PTPRD: variants seen among roughly 807,000 people sequenced by gnomAD.
PTPRD encodes the protein receptor-type tyrosine-protein phosphatase delta.
In PTPRD, 34 loss-of-function variants were observed where a neutral mutation model predicts 214.5. The ratio of observed to expected loss-of-function variants is 0.16; its 90% CI spans 0.12 to 0.21. The LOEUF (loss-of-function observed/expected upper bound fraction) is 0.21, where lower values mean the gene tolerates loss of function less well. Among genes scored for constraint, PTPRD ranks in the 10% least tolerant of loss-of-function variants. PTPRD has a pLI of 1.00. For missense variants in PTPRD, 2,545 were observed against 2,398.7 expected (o/e 1.06, Z -1.27); for synonymous variants, 1,128 against 845.7 (o/e 1.33, Z -5.79).
chr9:9,393,458 G>A (rs983035210), intron 9 of PTPRD, among the ~76,000 whole-genome samples: 2 of 152,058 alleles, frequency 1.3e-5, no homozygotes, highest in East Asian at 3.9e-4. Flanking sequence ...TATAGAAAGA[G>A]GGGCCACATG....
At chr9:9,998,133 T>TATATATATATATATATAC (rs2096207797) in intron 4 of PTPRD, among the ~76,000 whole-genome samples, 1 of 101,242 alleles carries the variant, frequency 9.9e-6, no homozygotes, top group African/African-American at 3.4e-5. Context: ...AAAAAAAATA[T>TATATATATATATATATAC]ATATATATAT....
intron 9 of PTPRD, among the ~76,000 whole-genome samples, chr9:9,291,134 T>C (rs990040000): frequency 2.0e-5 from 3 of 151,470 alleles, no homozygotes; most frequent in African/African-American, 4.8e-5. Flanking sequence ...CTGAAATACA[T>C]GGCCAATAAC....
Position 8,648,781 on chromosome 9 carries a change from G to A in PTPRD, c.65-11937C>T, listed in dbSNP as rs538039772. ...TTTCCTTTAAGTGGTAACATACTCAGGAAGCCATTTAATATAGACACACTA... is the reference window on the plus strand; with the variant it reads ...TTTCCTTTAAGTGGTAACATACTCAAGAAGCCATTTAATATAGACACACTA... On this transcript the variant is annotated intron_variant, in intron 12 of 45. Coordinates refer to ENST00000381196, the MANE Select transcript of PTPRD (RefSeq NM_002839.4). 2.0e-5 allele frequency among the ~76,000 whole-genome samples: 3 copies of A among 152,246 alleles called. No homozygotes were observed. The East Asian group carries it at 5.8e-4, about 29-fold the overall frequency.
intron 44 of PTPRD, among the ~76,000 whole-genome samples, chr9:8,320,835 A>C (rs1489040353): frequency 6.6e-6 from 1 of 152,076 alleles, no homozygotes; most frequent in African/African-American, 2.4e-5. Context: ...TGTGCACTTA[A>C]GGAGGAAAGC....
intron 7 of PTPRD, among the ~76,000 whole-genome samples, chr9:9,731,388 C>T (rs772719804): frequency 2.2e-4 from 33 of 152,204 alleles, no homozygotes; most frequent in Non-Finnish European, 3.8e-4. Flanking sequence ...TATTAACCAT[C>T]CTTCACATTC....
At chr9:9,619,679 A>G (rs2095120437) in intron 7 of PTPRD, among the ~76,000 whole-genome samples, 1 of 145,618 alleles carries the variant, frequency 6.9e-6, no homozygotes, top group South Asian at 2.1e-4. Flanking sequence ...TCTATAATAT[A>G]TATTCAAATA....
chr9:8,953,749 G>C (rs1217932616), intron 11 of PTPRD, among the ~76,000 whole-genome samples: 1 of 152,032 alleles, frequency 6.6e-6, no homozygotes, highest in African/African-American at 2.4e-5. Context: ...ATGAAAAAAT[G>C]TTCCACATCA....
intron 5 of PTPRD, among the ~76,000 whole-genome samples, chr9:9,893,917 A>G (rs2074181118): frequency 6.6e-6 from 1 of 151,996 alleles, no homozygotes; most frequent in African/African-American, 2.4e-5. Flanking sequence ...AACTCAAACA[A>G]TCCTCCTGTC....
At chr9:9,424,435 C>T (rs536056271) in intron 8 of PTPRD, among the ~76,000 whole-genome samples, 14 of 152,160 alleles carry the variant, frequency 9.2e-5, no homozygotes, top group Admixed American at 2.0e-4. Flanking sequence ...GAATAGCCCA[C>T]GGCATTGTGT....
intron 2 of PTPRD, among the ~76,000 whole-genome samples, chr9:10,387,625 C>G (rs2097945229): frequency 6.6e-6 from 1 of 151,498 alleles, no homozygotes. Flanking sequence ...CCAGTAAAGC[C>G]TATTACTTAA....
rs147037588 is a variant in PTPRD, at chr9:10,056,235, T to A, written c.-544-22445A>T. Among the ~76,000 whole-genome samples the A allele has an allele frequency of 2.6e-3, 400 of 151,606 alleles. 1 individual carries two copies. Among genetic ancestry groups the A allele is most frequent in the African/African-American group, 8.9e-3 (368 of 41,248 alleles). On this transcript the variant is annotated intron_variant, in intron 3 of 45. Transcript: ENST00000381196. ...AGTCAGCAGGCTGAGGCAGGATAATTGCTTAAACCTGGGAGGCGGAGATTG... is the reference window on the plus strand; with the variant it reads ...AGTCAGCAGGCTGAGGCAGGATAATAGCTTAAACCTGGGAGGCGGAGATTG...
intron 12 of PTPRD, among the ~76,000 whole-genome samples, chr9:8,729,022 G>A (rs895035290): frequency 1.3e-5 from 2 of 152,036 alleles, no homozygotes; most frequent in African/African-American, 4.8e-5. Flanking sequence ...ATAATTCCTG[G>A]TCATATCAAT....
chr9:9,178,690 C>T (rs1302994555), intron 10 of PTPRD, among the ~76,000 whole-genome samples: 2 of 152,080 alleles, frequency 1.3e-5, no homozygotes, highest in African/African-American at 4.8e-5. Context: ...TTACATTTTA[C>T]ATATTGTTGT....
At chr9:8,360,624 A>C (rs190156669) in intron 39 of PTPRD, among the ~76,000 whole-genome samples, 11 of 152,334 alleles carry the variant, frequency 7.2e-5, no homozygotes, top group Admixed American at 3.9e-4. Flanking sequence ...TGCACAGTGA[A>C]GTTGTAATAA....
chr9:10,132,603 T>C (rs1244986981), intron 3 of PTPRD, among the ~76,000 whole-genome samples: 1 of 152,174 alleles, frequency 6.6e-6, no homozygotes, highest in Non-Finnish European at 1.5e-5. Flanking sequence ...ATGTCCACCA[T>C]AAGGATAGCT....
At chr9:9,865,380 G>A (rs913441350) in intron 5 of PTPRD, among the ~76,000 whole-genome samples, 2 of 152,182 alleles carry the variant, frequency 1.3e-5, no homozygotes, top group African/African-American at 4.8e-5. Context: ...ATGGATTAAT[G>A]CATTATCATG....
chr9:9,600,874 A>T (rs374707806), intron 7 of PTPRD, among the ~76,000 whole-genome samples: 1 of 152,074 alleles, frequency 6.6e-6, no homozygotes, highest in African/African-American at 2.4e-5. Flanking sequence ...AACACAAACT[A>T]TATTTTTTCT....
At chr9:9,640,878 A>G (rs1204372913) in intron 7 of PTPRD, among the ~76,000 whole-genome samples, 3 of 152,238 alleles carry the variant, frequency 2.0e-5, no homozygotes, top group Non-Finnish European at 4.4e-5. Context: ...AAGCAAGTAC[A>G]TTATATGCCA....
chr9:10,119,390 G>C (rs950696263), intron 3 of PTPRD, among the ~76,000 whole-genome samples: 4 of 151,960 alleles, frequency 2.6e-5, no homozygotes, highest in Non-Finnish European at 4.4e-5. Flanking sequence ...CATCTGTTGA[G>C]AATCTTTTAA....
Sources: gnomAD v4.1 joint callset for allele counts (sites outside exome capture counted in the v4.1 genomes callset) on GRCh38, gnomAD v4.1.1 for gene constraint, MANE v1.5 for transcripts, NCBI Gene and HGNC (gene_info 2026-07-23, HGNC 2026-07-21) for gene names.